The following EXOC2 variants were observed in gnomAD, a reference collection of about 807,000 sequenced individuals.
EXOC2 encodes the protein SEC5-like 1.
In EXOC2, 70 loss-of-function variants were observed where a neutral mutation model predicts 131.8. The observed-to-expected ratio is 0.53, with a 90% CI of 0.44 to 0.65. The LOEUF is 0.65. EXOC2 is among the 30% of genes least tolerant of loss of function. The probability of loss-of-function intolerance (pLI) is 0.00; values close to 1 mark genes in which losing one functional copy is unlikely to be tolerated. For missense variants in EXOC2, 923 were observed against 1,108.6 expected, an observed-to-expected ratio of 0.83 and a Z score of 2.38; for synonymous variants, 411 against 398.4, an observed-to-expected ratio of 1.03 and a Z score of -0.38.
chr6:572,408 T>C, intron 13 of EXOC2, 112 bp downstream of exon 13: 3 of 1,320,972 alleles, frequency 2.3e-6, no homozygotes, highest in Non-Finnish European at 3.1e-6. Flanking sequence ...ACTATGACGA[T>C]GGCTAGAGAT....
chr6:621,454 G>A (rs996125366), intron 4 of EXOC2, among the ~76,000 whole-genome samples: 2 of 152,200 alleles, frequency 1.3e-5, no homozygotes, highest in African/African-American at 4.8e-5. Flanking sequence ...ACCCTGCACA[G>A]CGAGACGCCA....
chr6:538,615 A>C (rs977902121), intron 22 of EXOC2, among the ~76,000 whole-genome samples: 14 of 152,190 alleles, frequency 9.2e-5, no homozygotes, highest in African/African-American at 2.9e-4. Context: ...TAACAAAAAC[A>C]CAGTGCCTCC....
At chr6:589,889 G>A (rs557364564) in intron 11 of EXOC2, among the ~76,000 whole-genome samples, 18 of 152,340 alleles carry the variant, frequency 1.2e-4, no homozygotes, top group African/African-American at 4.1e-4. Flanking sequence ...GGTGGATCAC[G>A]AGGTCAGGAG....
chr6:559,299 A>G (rs1382723144), intron 17 of EXOC2, among the ~76,000 whole-genome samples: 2 of 152,154 alleles, frequency 1.3e-5, no homozygotes, highest in Admixed American at 1.3e-4. Flanking sequence ...GCAGTGCTTG[A>G]CCTTGATGTC....
intron 1 of EXOC2, among the ~76,000 whole-genome samples, chr6:659,479 A>T (rs987048753): frequency 6.6e-6 from 1 of 152,168 alleles, no homozygotes; most frequent in Non-Finnish European, 1.5e-5. Flanking sequence ...GCAATCTCAG[A>T]CCCTCTGAAG....
intron 11 of EXOC2, among the ~76,000 whole-genome samples, chr6:590,583 G>A: frequency 6.6e-6 from 1 of 152,168 alleles, no homozygotes; most frequent in African/African-American, 2.4e-5. Context: ...AGGGGCTCAG[G>A]TCTCAGGCCC....
At chr6:521,692 A>G (rs1243722722) in intron 23 of EXOC2, among the ~76,000 whole-genome samples, 2 of 151,764 alleles carry the variant, frequency 1.3e-5, no homozygotes, top group Non-Finnish European at 1.5e-5. Context: ...ATGCCCAGCT[A>G]ATTTTTGTGT....
intron 1 of EXOC2, chr6:669,386 G>A (rs1763761182): frequency 6.6e-6 from 1 of 152,362 alleles, no homozygotes; most frequent in Non-Finnish European, 1.5e-5. Flanking sequence ...TTCTCCTTTG[G>A]AGGACACACC....
chr6:617,083 T>C (rs1347624764), intron 6 of EXOC2, among the ~76,000 whole-genome samples: 1 of 152,222 alleles, frequency 6.6e-6, no homozygotes, highest in East Asian at 1.9e-4. Flanking sequence ...TAGTTTTAAG[T>C]ATCTTAGCTA....
intron 2 of EXOC2, among the ~76,000 whole-genome samples, chr6:636,714 G>A (rs1422919025): frequency 3.3e-5 from 5 of 152,164 alleles, no homozygotes; most frequent in African/African-American, 1.2e-4. Context: ...ATGTAAATGG[G>A]AAGCCAGAAT....
chr6:515,655 G>GTGGGTATCT (rs1561804665), intron 23 of EXOC2, among the ~76,000 whole-genome samples: 3 of 150,948 alleles, frequency 2.0e-5, no homozygotes, highest in African/African-American at 4.9e-5. Flanking sequence ...CACACAGCTG[G>GTGGGTATCT]GGCGGTCCTA....
intron 6 of EXOC2, among the ~76,000 whole-genome samples, chr6:611,787 T>C (rs1035666669): frequency 4.6e-5 from 7 of 152,214 alleles, no homozygotes; most frequent in Admixed American, 1.3e-4. Context: ...TTGTTTCTAA[T>C]CTATTAAAAC....
intron 25 of EXOC2, among the ~76,000 whole-genome samples, chr6:495,102 T>C (rs1581292814): frequency 6.9e-6 from 1 of 145,646 alleles, no homozygotes; most frequent in Non-Finnish European, 1.5e-5. Context: ...TTGCCCAGGC[T>C]CCTCTCGAAC....
chr6:511,617 G>A (rs574861959), intron 23 of EXOC2, among the ~76,000 whole-genome samples: 5 of 152,368 alleles, frequency 3.3e-5, no homozygotes, highest in Admixed American at 1.3e-4. Flanking sequence ...GGGGGCATCT[G>A]GATTGAACCC....
chr6:685,127 A>AACAC (rs35607623), intron 1 of EXOC2, among the ~76,000 whole-genome samples: 14,332 of 149,522 alleles, frequency 0.096, 772 homozygotes, highest in Admixed American at 0.14. Context: ...ATCATTTGAA[A>AACAC]ACACACACAC....
At chr6:657,417 C>T (rs1763184204) in intron 1 of EXOC2, among the ~76,000 whole-genome samples, 1 of 152,184 alleles carries the variant, frequency 6.6e-6, no homozygotes, top group African/African-American at 2.4e-5. Context: ...CTCATCTTCA[C>T]ACTTAAATAT....
chr6:588,066 G>C (rs1180279741), intron 11 of EXOC2, among the ~76,000 whole-genome samples: 1 of 152,150 alleles, frequency 6.6e-6, no homozygotes, highest in Non-Finnish European at 1.5e-5. Context: ...ATGGGGTATT[G>C]TTACATTATC....
In EXOC2 at chr6:486,195, G is replaced by A. The variant is rs991843646; in HGVS notation, c.*476C>T. 1 of 152,744 alleles carries A rather than the reference G, an allele frequency of 6.5e-6. No homozygotes were observed. Among genetic ancestry groups the A allele is most frequent in the African/African-American group, 2.4e-5 (1 of 41,400 alleles). 9.5% of individuals were successfully genotyped at this position (152,744 alleles called of 1,614,324 possible). A position where few individuals can be genotyped will look rare whatever the true frequency, so the allele number is the denominator to read the frequency against. ...ACTTAAGGCCATTTATATGAAATGAGGGTTTTAAGCACAGCTGTACAGTTT... is the reference window on the plus strand; with the variant it reads ...ACTTAAGGCCATTTATATGAAATGAAGGTTTTAAGCACAGCTGTACAGTTT... On this transcript the variant is annotated 3_prime_UTR_variant, in exon 28 of 28. Transcript: ENST00000230449.
At chr6:537,532 A>G (rs1400766725) in intron 22 of EXOC2, among the ~76,000 whole-genome samples, 1 of 152,244 alleles carries the variant, frequency 6.6e-6, no homozygotes, top group East Asian at 1.9e-4. Context: ...GATGGAGTGT[A>G]CACTCTGGAA....
Sources: allele counts gnomAD v4.1 joint callset (sites outside exome capture counted in the v4.1 genomes callset), GRCh38; gene constraint gnomAD v4.1.1; transcripts MANE v1.5; gene names NCBI Gene and HGNC (gene_info 2026-07-23, HGNC 2026-07-21).